Variants in ZNF385B observed in about 807,000 individuals in gnomAD.
ZNF385B encodes zinc finger protein 533.
ZNF385B carries 23 observed loss-of-function variants against 39.2 expected under a neutral mutation model. The ratio of observed to expected loss-of-function variants is 0.59; its 90% CI spans 0.42 to 0.83. The LOEUF (loss-of-function observed/expected upper bound fraction) is 0.83, where lower values mean the gene tolerates loss of function less well. ZNF385B is among the 40% of genes least tolerant of loss of function. The pLI is 0.00. For synonymous variants in ZNF385B, 205 were observed against 222.6 expected (o/e 0.92, Z 0.70); for missense variants, 552 against 598.9 (o/e 0.92, Z 0.82).
chr2:179,671,753 T>C (rs1459729126), intron 3 of ZNF385B, among the ~76,000 whole-genome samples: 3 of 152,216 alleles, frequency 2.0e-5, no homozygotes, highest in Non-Finnish European at 4.4e-5. Flanking sequence ...CTCCATCCTA[T>C]GTTCCCCAGC....
intron 3 of ZNF385B, among the ~76,000 whole-genome samples, chr2:179,749,438 C>G (rs17825041): frequency 1.3e-5 from 2 of 151,886 alleles, no homozygotes; most frequent in South Asian, 2.1e-4. Flanking sequence ...AAAACCAGCT[C>G]GAGAAAAACC....
intron 5 of ZNF385B, among the ~76,000 whole-genome samples, chr2:179,489,692 T>C (rs2054993371): frequency 6.6e-6 from 1 of 152,176 alleles, no homozygotes; most frequent in African/African-American, 2.4e-5. Context: ...GAGACAAAGC[T>C]ACAATATAGG....
rs184159445 is a variant in ZNF385B at position 179,459,880 on chromosome 2, G to C, written c.716-13110C>G. On this transcript the variant is annotated intron_variant, in intron 6 of 9. Transcript: ENST00000410066. ...GCACTTTGGGAAGCTGAGGCGGGTGGATCACCTGAGGTCAGGAGTTCAAGA... is the reference window on the plus strand; with the variant it reads ...GCACTTTGGGAAGCTGAGGCGGGTGCATCACCTGAGGTCAGGAGTTCAAGA... Among the ~76,000 whole-genome samples, 671 of 151,646 alleles carry C rather than the reference G, an allele frequency of 4.4e-3. 6 individuals are homozygous for C. The highest frequency in any genetic ancestry group is 0.015 in the African/African-American group (629 of 41,468).
chr2:179,622,040 T>C (rs1478673809), intron 3 of ZNF385B, among the ~76,000 whole-genome samples: 1 of 152,284 alleles, frequency 6.6e-6, no homozygotes, highest in Non-Finnish European at 1.5e-5. Context: ...TGTAACTTTT[T>C]AGTTACAAGT....
chr2:179,759,141 G>C (rs894971506), intron 3 of ZNF385B, among the ~76,000 whole-genome samples: 3 of 152,012 alleles, frequency 2.0e-5, no homozygotes, highest in Admixed American at 6.6e-5. Context: ...AATATTAAAT[G>C]AGAATGGATA....
At chr2:179,686,295 T>C (rs1697920909) in intron 3 of ZNF385B, among the ~76,000 whole-genome samples, 1 of 152,224 alleles carries the variant, frequency 6.6e-6, no homozygotes, top group South Asian at 2.1e-4. Context: ...GCTGTGGTCT[T>C]TGGGCTGTTC....
At chr2:179,588,505 G>A (rs993473633) in intron 3 of ZNF385B, among the ~76,000 whole-genome samples, 8 of 152,098 alleles carry the variant, frequency 5.3e-5, no homozygotes, top group African/African-American at 1.9e-4. Context: ...CATTCCCCAT[G>A]CAAGCAGGGA....
intron 1 of ZNF385B, among the ~76,000 whole-genome samples, chr2:179,809,795 A>G (rs1575532359): frequency 6.6e-6 from 1 of 152,006 alleles, no homozygotes; most frequent in South Asian, 2.1e-4. Flanking sequence ...AATTATCGAG[A>G]AAAAAAATTA....
intron 1 of ZNF385B, among the ~76,000 whole-genome samples, chr2:179,821,649 T>C (rs997962573): frequency 6.6e-6 from 1 of 152,268 alleles, no homozygotes; most frequent in Admixed American, 6.5e-5. Flanking sequence ...CTAGCCATTT[T>C]ACCAAGACGT....
intron 3 of ZNF385B, among the ~76,000 whole-genome samples, chr2:179,743,468 G>GA (rs758548765): frequency 1.8e-4 from 28 of 151,804 alleles, no homozygotes; most frequent in Non-Finnish European, 3.8e-4. Context: ...TAATTAACAA[G>GA]AAAAAAATCA....
At chr2:179,548,779 C>G (rs1431491683) in intron 3 of ZNF385B, among the ~76,000 whole-genome samples, 1 of 149,156 alleles carries the variant, frequency 6.7e-6, no homozygotes, top group African/African-American at 2.5e-5. Context: ...CGGGAAAAAC[C>G]TGCCCCCATG....
chr2:179,792,585 G>A (rs890638621), intron 1 of ZNF385B, among the ~76,000 whole-genome samples: 1 of 143,748 alleles, frequency 7.0e-6, no homozygotes, highest in Non-Finnish European at 1.5e-5. Context: ...ATGTTGGCCA[G>A]GCTGGTCTCA....
chr2:179,640,887 C>T (rs1692205648), intron 3 of ZNF385B, among the ~76,000 whole-genome samples: 1 of 152,160 alleles, frequency 6.6e-6, no homozygotes, highest in Non-Finnish European at 1.5e-5. Flanking sequence ...CCACCTATGT[C>T]AAACACATGG....
chr2:179,660,736 C>T (rs1295899793), intron 3 of ZNF385B, among the ~76,000 whole-genome samples: 1 of 152,102 alleles, frequency 6.6e-6, no homozygotes, highest in East Asian at 1.9e-4. Context: ...GAAGAACAAG[C>T]CTTACAGTTA....
chr2:179,587,213 T>G (rs1036173160), intron 3 of ZNF385B, among the ~76,000 whole-genome samples: 1 of 152,356 alleles, frequency 6.6e-6, no homozygotes, highest in Non-Finnish European at 1.5e-5. Context: ...TACCACATTC[T>G]TGTTGGCAGA....
At chr2:179,699,457 G>A (rs1008604298) in intron 3 of ZNF385B, among the ~76,000 whole-genome samples, 6 of 152,150 alleles carry the variant, frequency 3.9e-5, no homozygotes, top group Admixed American at 1.3e-4. Flanking sequence ...AGTGACACAC[G>A]CCATTTGTAG....
intron 3 of ZNF385B, among the ~76,000 whole-genome samples, chr2:179,768,482 TA>T (rs1444013323): frequency 1.3e-5 from 2 of 152,186 alleles, no homozygotes; most frequent in Non-Finnish European, 2.9e-5. Context: ...GCTTGAAATA[TA>T]AAAATAATTT....
intron 3 of ZNF385B, among the ~76,000 whole-genome samples, chr2:179,633,105 G>A (rs528099737): frequency 2.6e-5 from 4 of 152,288 alleles, no homozygotes; most frequent in African/African-American, 7.2e-5. Flanking sequence ...CAGATTCACA[G>A]CTGAATTCTA....
intron 3 of ZNF385B, among the ~76,000 whole-genome samples, chr2:179,664,899 CT>C (rs35104930): frequency 6.6e-6 from 1 of 151,860 alleles, no homozygotes; most frequent in African/African-American, 2.4e-5. Context: ...TGTGTTTTTA[CT>C]TTTTTTGCAC....
Sources: gnomAD v4.1 joint callset for allele counts (sites outside exome capture counted in the v4.1 genomes callset) on GRCh38, gnomAD v4.1.1 for gene constraint, MANE v1.5 for transcripts, NCBI Gene and HGNC (gene_info 2026-07-23, HGNC 2026-07-21) for gene names.